The following ACACA variants were observed in gnomAD, a reference collection of about 807,000 sequenced individuals.
The protein encoded by ACACA is acetyl-CoA carboxylase alpha.
A neutral mutation model predicts 296.1 loss-of-function variants in ACACA; 103 were observed. The observed-to-expected ratio is 0.35, with a 90% CI of 0.30 to 0.41. The LOEUF (loss-of-function observed/expected upper bound fraction) is 0.41, where lower values mean the gene tolerates loss of function less well. Among genes scored for constraint, ACACA ranks in the 10% least tolerant of loss-of-function variants. The pLI is 1.00. For missense variants in ACACA, 1,554 were observed against 2,989.7 expected (o/e 0.52, Z 11.20); for synonymous variants, 953 against 1,038.6 (o/e 0.92, Z 1.58).
At chr17:37,299,305 C>A in intron 3 of ACACA, 1 of 1,613,822 alleles carries the variant, frequency 6.2e-7, no homozygotes, top group Non-Finnish European at 8.5e-7. Context: ...TATCTCATTT[C>A]CTTATTTTCC....
chr17:37,242,027 T>C lies in ACACA; in HGVS notation c.2958A>G (p.Ala986=), dbSNP rs770428631. ...GTTCAGATTTCCGGTTCAATGTAGC[T>C]GCATGGCTATCTAGGATGTTTGCAA... is the stretch of plus-strand genomic sequence containing the variant. ...QQIANILDSH[A]ATLNRKSERE... Residue 986 remains alanine (A), a synonymous_variant, in exon 23 of 56, where the codon GCA becomes GCG. Transcript: ENST00000616317. 51 of 1,613,694 alleles carry C rather than the reference T, an allele frequency of 3.2e-5. No homozygotes were observed. In the Admixed American group the frequency reaches 5.8e-4, roughly 18 times the overall value.
chr17:37,324,547 G>A (rs2047505588), intron 3 of ACACA, among the ~76,000 whole-genome samples: 1 of 150,900 alleles, frequency 6.6e-6, no homozygotes, highest in South Asian at 2.1e-4. Context: ...GCACACGCCT[G>A]TAATCCCAGC....
chr17:37,390,482 T>C (rs2147806379), intron 1 of ACACA, among the ~76,000 whole-genome samples: 1 of 146,256 alleles, frequency 6.8e-6, no homozygotes, highest in South Asian at 2.2e-4. Flanking sequence ...CAAAAATTGG[T>C]GGGGCATGGT....
intron 54 of ACACA, among the ~76,000 whole-genome samples, chr17:37,089,443 A>C (rs2072459529): frequency 6.6e-6 from 1 of 152,220 alleles, no homozygotes; most frequent in Non-Finnish European, 1.5e-5. Flanking sequence ...TTACTTAGTA[A>C]AATTGTGATT....
At chr17:37,289,779 G>A (rs773472347) in intron 3 of ACACA, among the ~76,000 whole-genome samples, 19 of 152,172 alleles carry the variant, frequency 1.2e-4, no homozygotes, top group Non-Finnish European at 2.6e-4. Context: ...CTCCCAGTGA[G>A]CCTTTGCTGA....
chr17:37,199,070 T>C (rs2078130196), intron 35 of ACACA, among the ~76,000 whole-genome samples: 1 of 151,730 alleles, frequency 6.6e-6, no homozygotes, highest in Non-Finnish European at 1.5e-5. Context: ...TGAACCCCTG[T>C]CTCTACTAAA....
At chr17:37,374,706 A>G (rs1262868982) in intron 1 of ACACA, among the ~76,000 whole-genome samples, 1 of 152,156 alleles carries the variant, frequency 6.6e-6, no homozygotes, top group Admixed American at 6.6e-5. Context: ...TGTCTAGGAA[A>G]ACCTTCCCAA....
rs376304187 is a variant in ACACA, at chr17:37,164,301, G to A, written c.5080-2251C>T. ...ACATGCATCACCCAGACTCAACCAG[G>A]CCAGTGATCATAAGCTCTGAGTACA... is the stretch of plus-strand genomic sequence containing the variant. On this transcript the variant is annotated intron_variant, in intron 41 of 55. Transcript: ENST00000616317. Among the ~76,000 whole-genome samples the A allele has an allele frequency of 7.2e-5, 11 of 152,232 alleles. No homozygotes were observed. In the East Asian group the frequency reaches 1.2e-3, roughly 16 times the overall value.
chr17:37,214,196 C>T (rs1376858000), intron 29 of ACACA, among the ~76,000 whole-genome samples: 2 of 152,116 alleles, frequency 1.3e-5, no homozygotes, highest in African/African-American at 2.4e-5. Flanking sequence ...CTGGCTGTGA[C>T]CAGTGGTGGT....
intron 45 of ACACA, among the ~76,000 whole-genome samples, chr17:37,139,596 C>G (rs1170121430): frequency 6.6e-6 from 1 of 152,088 alleles, no homozygotes; most frequent in Non-Finnish European, 1.5e-5. Context: ...ATATAGCAGT[C>G]AAAAAGAAAT....
chr17:37,183,919 C>T (rs2077427081), intron 39 of ACACA, among the ~76,000 whole-genome samples: 1 of 132,470 alleles, frequency 7.5e-6, no homozygotes, highest in African/African-American at 2.9e-5. Flanking sequence ...ATGGTGCGAT[C>T]TCGGCTCACC....
At chr17:37,123,845 C>G (rs2074642087) in intron 48 of ACACA, among the ~76,000 whole-genome samples, 1 of 152,194 alleles carries the variant, frequency 6.6e-6, no homozygotes, top group South Asian at 2.1e-4. Context: ...TAACTTATAA[C>G]TTATATATTA....
chr17:37,165,441 C>T (rs373747136), intron 41 of ACACA, among the ~76,000 whole-genome samples: 6 of 152,054 alleles, frequency 3.9e-5, no homozygotes, highest in African/African-American at 1.4e-4. Flanking sequence ...TCCCCACATG[C>T]GAAATTAAGA....
intron 3 of ACACA, among the ~76,000 whole-genome samples, chr17:37,327,497 TG>T (rs1209723887): frequency 6.6e-6 from 1 of 152,222 alleles, no homozygotes; most frequent in African/African-American, 2.4e-5. Context: ...ACATGATTTT[TG>T]CAACAGTAAG....
intron 45 of ACACA, among the ~76,000 whole-genome samples, chr17:37,146,725 G>A (rs551566254): frequency 1.3e-4 from 20 of 150,076 alleles, no homozygotes; most frequent in Non-Finnish European, 2.5e-4. Flanking sequence ...GAAGAAGGAG[G>A]GGGGAGAGAG....
At chr17:37,112,957 A>G (rs922346769) in intron 51 of ACACA, 131 bp downstream of exon 51, 61 of 1,129,894 alleles carry the variant, frequency 5.4e-5, no homozygotes, top group Non-Finnish European at 7.7e-5. Context: ...ACTGTAATGG[A>G]AGGAAAAAGC....
chr17:37,290,104 G>A (rs1323385916), intron 3 of ACACA, among the ~76,000 whole-genome samples: 1 of 152,090 alleles, frequency 6.6e-6, no homozygotes, highest in Admixed American at 6.5e-5. Context: ...CTGGAGTGCA[G>A]TGGTCCAATC....
intron 18 of ACACA, 124 bp downstream of exon 18, chr17:37,247,887 A>ATTT (rs34102178): frequency 2.2e-5 from 23 of 1,023,532 alleles, no homozygotes; most frequent in East Asian, 5.3e-5. Context: ...TGCATGTACT[A>ATTT]TTTTTTTTTT....
At chr17:37,119,002 G>A (rs975246426) in intron 50 of ACACA, among the ~76,000 whole-genome samples, 8 of 152,200 alleles carry the variant, frequency 5.3e-5, no homozygotes, top group South Asian at 2.1e-4. Flanking sequence ...TATCCAGGGT[G>A]ACACTCTGAA....
Sources: allele counts gnomAD v4.1 joint callset (sites outside exome capture counted in the v4.1 genomes callset), GRCh38; gene constraint gnomAD v4.1.1; transcripts MANE v1.5; gene names NCBI Gene and HGNC (gene_info 2026-07-23, HGNC 2026-07-21).